SGMS1: variants seen among roughly 807,000 people sequenced by gnomAD.
SGMS1 encodes phosphatidylcholine:ceramide cholinephosphotransferase 1.
SGMS1 carries 13 observed loss-of-function variants against 46.2 expected under a neutral mutation model. The ratio of observed to expected loss-of-function variants is 0.28; its 90% CI spans 0.18 to 0.45. SGMS1 has a LOEUF of 0.45. SGMS1 is among the 20% of genes least tolerant of loss of function. SGMS1 has a pLI of 1.00. For missense variants in SGMS1, 324 were observed against 519.9 expected (o/e 0.62, Z 3.66); for synonymous variants, 203 against 187.8 (o/e 1.08, Z -0.66).
intron 6 of SGMS1, among the ~76,000 whole-genome samples, chr10:50,352,749 G>C (rs1437742725): frequency 6.6e-6 from 1 of 152,116 alleles, no homozygotes. Context: ...AGTCTAAAAA[G>C]TTTCTTAAAA....
intron 8 of SGMS1, among the ~76,000 whole-genome samples, chr10:50,320,105 C>G (rs1458569309): frequency 1.3e-5 from 2 of 152,160 alleles, no homozygotes; most frequent in African/African-American, 4.8e-5. Context: ...CTTTCTGACT[C>G]TGGTTACCTC....
chr10:50,457,515 C>T (rs1322707775), intron 5 of SGMS1, among the ~76,000 whole-genome samples: 4 of 151,994 alleles, frequency 2.6e-5, no homozygotes, highest in Non-Finnish European at 4.4e-5. Flanking sequence ...ACGAAGGATC[C>T]CATCACCAAG....
rs528377761 is a variant in SGMS1, at chr10:50,331,307, G to A, written c.624-3985C>T. ...CTTATTTTACAGATGGGAAAAGTGAGGTTTAGAGAGTTTAAGCTGAAATAT... is the reference window on the plus strand; with the variant it reads ...CTTATTTTACAGATGGGAAAAGTGAAGTTTAGAGAGTTTAAGCTGAAATAT... On this transcript the variant is annotated intron_variant, in intron 7 of 10. Coordinates refer to ENST00000361781, the MANE Select transcript of SGMS1 (RefSeq NM_147156.4). Among the ~76,000 whole-genome samples the A allele has an allele frequency of 1.7e-3, 262 of 152,244 alleles. 1 individual carries two copies. The highest frequency in any genetic ancestry group is 6.1e-3 in the African/African-American group (252 of 41,546).
At chr10:50,340,651 A>C (rs1412142082) in intron 7 of SGMS1, 1 of 151,510 alleles carries the variant, frequency 6.6e-6, no homozygotes, top group Non-Finnish European at 1.5e-5. Context: ...ATTTAAGTAC[A>C]AAAAAAATCA....
At chr10:50,615,818 C>T (rs896240737) in intron 1 of SGMS1, among the ~76,000 whole-genome samples, 1 of 152,158 alleles carries the variant, frequency 6.6e-6, no homozygotes, top group Non-Finnish European at 1.5e-5. Context: ...CAGAATCTCT[C>T]TCCTCTCATA....
At chr10:50,330,380 G>A (rs1299101176) in intron 7 of SGMS1, among the ~76,000 whole-genome samples, 1 of 152,142 alleles carries the variant, frequency 6.6e-6, no homozygotes, top group Non-Finnish European at 1.5e-5. Context: ...AGCTACTCTG[G>A]AGGCTGCAGT....
intron 7 of SGMS1, among the ~76,000 whole-genome samples, chr10:50,339,658 T>G (rs1418866349): frequency 6.6e-6 from 1 of 152,256 alleles, no homozygotes; most frequent in African/African-American, 2.4e-5. Flanking sequence ...TACTGCTTAA[T>G]AAACACTAGT....
In SGMS1 at chr10:50,440,617, T is replaced by C. The variant is rs1264326566; in HGVS notation, c.-312-7061A>G. 4.6e-5 allele frequency among the ~76,000 whole-genome samples: 7 copies of C among 152,308 alleles called. 1 individual carries two copies. The South Asian group carries it at 1.5e-3, about 32-fold the overall frequency. ...TTCCTTTAGATATACATAAAATATTTCCAGAAACAGGCTCTCACTCTGTTG... is the reference window on the plus strand; with the variant it reads ...TTCCTTTAGATATACATAAAATATTCCCAGAAACAGGCTCTCACTCTGTTG... On this transcript the variant is annotated intron_variant, in intron 5 of 10. Coordinates refer to ENST00000361781, the MANE Select transcript of SGMS1 (RefSeq NM_147156.4).
intron 6 of SGMS1, among the ~76,000 whole-genome samples, chr10:50,405,312 G>A (rs1848997348): frequency 6.6e-6 from 1 of 151,934 alleles, no homozygotes; most frequent in South Asian, 2.1e-4. Context: ...CCAAATCAAA[G>A]GCTTTTCAGG....
chr10:50,518,633 G>A (rs570333895), intron 3 of SGMS1, among the ~76,000 whole-genome samples: 1 of 152,220 alleles, frequency 6.6e-6, no homozygotes, highest in East Asian at 1.9e-4. Context: ...TGGCCAGGCT[G>A]GTCTAGAACT....
chr10:50,514,558 A>T (rs1233500047), intron 3 of SGMS1, among the ~76,000 whole-genome samples: 1 of 152,190 alleles, frequency 6.6e-6, no homozygotes, highest in African/African-American at 2.4e-5. Flanking sequence ...GTCTTTTGCC[A>T]TGTAAGGTAA....
At chr10:50,376,701 C>T (rs1436525839) in intron 6 of SGMS1, among the ~76,000 whole-genome samples, 2 of 151,986 alleles carry the variant, frequency 1.3e-5, no homozygotes, top group Admixed American at 6.6e-5. Context: ...TTTGGCCTTG[C>T]GATAGTTTGC....
chr10:50,341,739 A>G (rs576603540), intron 7 of SGMS1, among the ~76,000 whole-genome samples: 83 of 152,212 alleles, frequency 5.5e-4, no homozygotes, highest in African/African-American at 2.0e-3. Flanking sequence ...TCTTGCTTTG[A>G]GCAATTTAAA....
chr10:50,615,830 C>T (rs1838791409), intron 1 of SGMS1, among the ~76,000 whole-genome samples: 1 of 152,202 alleles, frequency 6.6e-6, no homozygotes, highest in South Asian at 2.1e-4. Flanking sequence ...CCTCTCATAA[C>T]TCCCCTGGCA....
intron 7 of SGMS1, among the ~76,000 whole-genome samples, chr10:50,337,852 G>T (rs1589391884): frequency 7.0e-6 from 1 of 143,688 alleles, no homozygotes; most frequent in East Asian, 2.0e-4. Context: ...CCCCCAAAAG[G>T]CTTATCAAAG....
intron 2 of SGMS1, among the ~76,000 whole-genome samples, chr10:50,523,778 T>C (rs1837875839): frequency 6.6e-6 from 1 of 152,214 alleles, no homozygotes; most frequent in Non-Finnish European, 1.5e-5. Context: ...CTAATCAATA[T>C]TAGCAAAGAA....
At chr10:50,398,859 G>T (rs1848888311) in intron 6 of SGMS1, among the ~76,000 whole-genome samples, 1 of 151,924 alleles carries the variant, frequency 6.6e-6, no homozygotes, top group African/African-American at 2.4e-5. Context: ...TTCTAGCTAG[G>T]AGTTGTATAT....
chr10:50,588,666 G>A (rs535619927), intron 2 of SGMS1, among the ~76,000 whole-genome samples: 1 of 150,334 alleles, frequency 6.7e-6, no homozygotes, highest in East Asian at 2.0e-4. Context: ...TATAAGTTTA[G>A]GTTTAAAAAA....
chr10:50,462,510 G>A (rs183069705), intron 4 of SGMS1, among the ~76,000 whole-genome samples: 13 of 152,220 alleles, frequency 8.5e-5, no homozygotes, highest in Admixed American at 3.9e-4. Flanking sequence ...CGATGCTTAT[G>A]GGTCACTTGA....
Sources: gnomAD v4.1 joint callset for allele counts (sites outside exome capture counted in the v4.1 genomes callset) on GRCh38, gnomAD v4.1.1 for gene constraint, MANE v1.5 for transcripts, NCBI Gene and HGNC (gene_info 2026-07-23, HGNC 2026-07-21) for gene names.